CDYL: variants seen among roughly 807,000 people sequenced by gnomAD.
CDYL encodes chromodomain Y like.
Under a neutral mutation model 47.3 loss-of-function variants are expected in CDYL, and 8 were observed. The observed-to-expected ratio is 0.17, with a 90% CI of 0.10 to 0.31. CDYL has a LOEUF of 0.31. Ranked by LOEUF, CDYL falls within the 10% of genes least tolerant of loss-of-function variation. The pLI, the probability that CDYL is intolerant of heterozygous loss-of-function variation, is 1.00. For missense variants in CDYL, 471 were observed against 701.4 expected (o/e 0.67, Z 3.71); for synonymous variants, 266 against 265.0 (o/e 1.00, Z -0.04).
At chr6:4,873,691 C>T (rs1437715654) in intron 1 of CDYL, among the ~76,000 whole-genome samples, 3 of 152,102 alleles carry the variant, frequency 2.0e-5, no homozygotes, top group South Asian at 2.1e-4. Flanking sequence ...TACCCACCTG[C>T]TTGAAGAATA....
chr6:4,763,145 G>A (rs997203749), intron 3 of CDYL, among the ~76,000 whole-genome samples: 1 of 152,112 alleles, frequency 6.6e-6, no homozygotes, highest in African/African-American at 2.4e-5. Context: ...CTGAGCAAAA[G>A]TAAGAAAATT....
chr6:4,778,842 A>T (rs972431254), intron 1 of CDYL, among the ~76,000 whole-genome samples: 2 of 152,078 alleles, frequency 1.3e-5, no homozygotes, highest in East Asian at 3.8e-4. Flanking sequence ...AAAGTTTTGC[A>T]TGGCAGTTGA....
chr6:4,706,791 TAAATA>T (rs941740577), intron 1 of CDYL, among the ~76,000 whole-genome samples: 2 of 151,862 alleles, frequency 1.3e-5, no homozygotes, highest in African/African-American at 4.8e-5. Context: ...TGTCGTAAAA[TAAATA>T]AAATAAAACT....
chr6:4,716,799 G>A (rs921892699), intron 2 of CDYL, among the ~76,000 whole-genome samples: 3 of 152,142 alleles, frequency 2.0e-5, no homozygotes, highest in African/African-American at 2.4e-5. Flanking sequence ...AAAAAGCATG[G>A]AGCAAGGTGC....
intron 2 of CDYL, among the ~76,000 whole-genome samples, chr6:4,922,210 A>G (rs536519317): frequency 6.6e-6 from 1 of 152,168 alleles, no homozygotes; most frequent in African/African-American, 2.4e-5. Context: ...CTGCCCGGCC[A>G]GCAGTGATGG....
intron 2 of CDYL, among the ~76,000 whole-genome samples, chr6:4,904,289 A>G (rs1481235133): frequency 1.3e-5 from 2 of 152,230 alleles, no homozygotes; most frequent in East Asian, 3.8e-4. Flanking sequence ...TTAAAAAGTA[A>G]TTACCCCGAT....
chr6:4,789,052 G>A (rs1439159538), intron 1 of CDYL, among the ~76,000 whole-genome samples: 4 of 152,052 alleles, frequency 2.6e-5, no homozygotes, highest in African/African-American at 7.2e-5. Context: ...ACTGCTTCAT[G>A]CAGAAGCTCC....
At chr6:4,867,998 C>A (rs1056296125) in intron 1 of CDYL, among the ~76,000 whole-genome samples, 3 of 151,776 alleles carry the variant, frequency 2.0e-5, no homozygotes, top group Non-Finnish European at 4.4e-5. Flanking sequence ...CATCTCTCTT[C>A]TTTTTTTGGG....
At chr6:4,925,832 G>C (rs1395304928) in intron 2 of CDYL, among the ~76,000 whole-genome samples, 1 of 152,120 alleles carries the variant, frequency 6.6e-6, no homozygotes, top group African/African-American at 2.4e-5. Flanking sequence ...CCCTGCCTGT[G>C]GTTTGCATGT....
intron 5 of CDYL, among the ~76,000 whole-genome samples, chr6:4,946,255 C>A (rs1488557839): frequency 6.6e-6 from 1 of 152,174 alleles, no homozygotes; most frequent in Admixed American, 6.5e-5. Flanking sequence ...GAGACAGCAA[C>A]CTGCACGCTT....
intron 1 of CDYL, among the ~76,000 whole-genome samples, chr6:4,842,028 A>G (rs1760507892): frequency 6.9e-6 from 1 of 145,108 alleles, no homozygotes; most frequent in Non-Finnish European, 1.5e-5. Flanking sequence ...TATTATTTGT[A>G]ATATATAATT....
At chr6:4,912,665 T>G (rs2127501169) in intron 2 of CDYL, among the ~76,000 whole-genome samples, 1 of 152,274 alleles carries the variant, frequency 6.6e-6, no homozygotes, top group Middle Eastern at 3.4e-3. Flanking sequence ...GAAAAGGAAT[T>G]TTTCTTTCTT....
intron 1 of CDYL, among the ~76,000 whole-genome samples, chr6:4,708,632 A>G (rs1462091059): frequency 6.6e-6 from 1 of 152,222 alleles, no homozygotes; most frequent in Non-Finnish European, 1.5e-5. Context: ...AAACATTTTT[A>G]AACAGTGAAA....
chr6:4,767,301 G>A (rs184909373), intron 3 of CDYL, among the ~76,000 whole-genome samples: 10 of 151,972 alleles, frequency 6.6e-5, no homozygotes, highest in African/African-American at 4.8e-5. Context: ...GAGACTGGGC[G>A]CAGTGGCTCA....
intron 2 of CDYL, among the ~76,000 whole-genome samples, chr6:4,892,953 C>G (rs1183097273): frequency 1.3e-5 from 2 of 152,178 alleles, no homozygotes; most frequent in African/African-American, 2.4e-5. Flanking sequence ...CTGTTTTACT[C>G]TCATCCCCAG....
chr6:4,842,615 C>T (rs78803575), intron 1 of CDYL, among the ~76,000 whole-genome samples: 3,509 of 152,120 alleles, frequency 0.023, 139 homozygotes, highest in African/African-American at 0.08. Flanking sequence ...TCCTCTTGCA[C>T]GGAATGTCTG....
chr6:4,791,988 T>G (rs1183992605), intron 1 of CDYL, among the ~76,000 whole-genome samples: 1 of 151,324 alleles, frequency 6.6e-6, no homozygotes, highest in East Asian at 1.9e-4. Flanking sequence ...GTTCACGCCA[T>G]TCTCCTGCCT....
intron 1 of CDYL, among the ~76,000 whole-genome samples, chr6:4,707,771 G>C (rs944120686): frequency 6.6e-6 from 1 of 152,168 alleles, no homozygotes; most frequent in Non-Finnish European, 1.5e-5. Flanking sequence ...TAGTGGGTGT[G>C]AGATAATATC....
intron 1 of CDYL, among the ~76,000 whole-genome samples, chr6:4,867,772 GTTTT>G (rs36074293): frequency 7.6e-6 from 1 of 132,090 alleles, no homozygotes; most frequent in South Asian, 2.4e-4. Context: ...TTGTTGTGGG[GTTTT>G]TTTTTTTTTT....
Sources: allele counts gnomAD v4.1 joint callset (sites outside exome capture counted in the v4.1 genomes callset), GRCh38; gene constraint gnomAD v4.1.1; transcripts MANE v1.5; gene names NCBI Gene and HGNC (gene_info 2026-07-23, HGNC 2026-07-21).